Variants in AKR1B15 observed in about 807,000 individuals in gnomAD.
AKR1B15 encodes estradiol 17-beta-dehydrogenase AKR1B15.
AKR1B15 carries 49 observed loss-of-function variants against 38.5 expected under a neutral mutation model. The ratio of observed to expected loss-of-function variants is 1.27; its 90% CI spans 1.01 to 1.62. AKR1B15 has a LOEUF of 1.62. AKR1B15 is among the 40% of genes most tolerant of loss of function. The pLI, the probability that AKR1B15 is intolerant of heterozygous loss-of-function variation, is 0.00. For synonymous variants in AKR1B15, 137 were observed against 135.5 expected (o/e 1.01, Z -0.08); for missense variants, 411 against 381.6 (o/e 1.08, Z -0.64).
intron 3 of AKR1B15, among the ~76,000 whole-genome samples, chr7:134,566,030 A>G (rs1399247351): frequency 2.0e-5 from 3 of 152,196 alleles, no homozygotes; most frequent in African/African-American, 4.8e-5. Context: ...GTGGTGGCTC[A>G]TGCCTGTAAT....
chr7:134,576,291 G>A, intron 8 of AKR1B15, 58 bp from the exon 9 acceptor site: 1 of 1,551,936 alleles, frequency 6.4e-7, no homozygotes, highest in Non-Finnish European at 8.9e-7. Context: ...TTGGAGTGGT[G>A]TCCTTCTGTA....
At position 134,567,673 on chromosome 7, in the gene AKR1B15, C is replaced by T. The variant is rs577756354; in HGVS notation, c.151-485C>T. Reference sequence around the variant, plus strand: ...TGACCATTATCCAGATCCTTATCACCGTTTGGGGAAATTGTCTGAAAATCC... The same window carrying T: ...TGACCATTATCCAGATCCTTATCACTGTTTGGGGAAATTGTCTGAAAATCC... On this transcript the variant is annotated intron_variant, in intron 3 of 11. Coordinates refer to ENST00000457545, the MANE Select transcript of AKR1B15 (RefSeq NM_001080538.3). Among the ~76,000 whole-genome samples, 11 of 152,168 alleles carry T rather than the reference C, an allele frequency of 7.2e-5. No homozygotes were observed. In the South Asian group the frequency reaches 2.1e-3, roughly 29 times the overall value.
At chr7:134,563,683 T>C (rs1794471006) in intron 2 of AKR1B15, among the ~76,000 whole-genome samples, 1 of 152,156 alleles carries the variant, frequency 6.6e-6, no homozygotes, top group African/African-American at 2.4e-5. Context: ...GGCTAAAGGA[T>C]TGTTAATGCA....
chr7:134,574,422 A>G (rs192463057), intron 6 of AKR1B15, among the ~76,000 whole-genome samples: 25 of 150,564 alleles, frequency 1.7e-4, no homozygotes, highest in Non-Finnish European at 3.5e-4. Context: ...ACCTGAAAGG[A>G]CTCCCCTGAC....
chr7:134,552,918 C>T (rs1328500457), intron 1 of AKR1B15, among the ~76,000 whole-genome samples: 4 of 152,110 alleles, frequency 2.6e-5, no homozygotes. Flanking sequence ...AGCCAGTCAC[C>T]CTAACTGCAC....
chr7:134,569,342 G>T, intron 4 of AKR1B15, 71 bp from the exon 5 acceptor site: 1 of 1,565,292 alleles, frequency 6.4e-7, no homozygotes, highest in South Asian at 1.1e-5. Flanking sequence ...AAATCAAAAA[G>T]CAGGGACAAT....
Position 134,576,952 on chromosome 7 carries a change from T to A in AKR1B15, c.826-11T>A. The stretch of plus-strand genomic sequence containing the variant: ...AGCTGAGTGGAAACATGATGTCCCC[T>A]TTCTGCACAGGTTCTGATCCGTTTC... On this transcript the variant is annotated splice_polypyrimidine_tract_variant and intron_variant, in intron 9 of 11. Coordinates refer to ENST00000457545, the MANE Select transcript of AKR1B15 (RefSeq NM_001080538.3). The A allele has an allele frequency of 6.2e-7, 1 of 1,612,072 alleles. No individual in the cohort carries two copies. The highest frequency in any genetic ancestry group is 8.5e-7 in the Non-Finnish European group (1 of 1,178,220).
Position 134,575,477 on chromosome 7 carries a change from A to G in AKR1B15, c.571A>G (p.Asn191Asp), listed in dbSNP as rs376943062. The G allele has an allele frequency of 5.0e-6, 8 of 1,613,768 alleles. No individual in the cohort carries two copies. Among genetic ancestry groups the G allele is most frequent in the Non-Finnish European group, 5.9e-6 (7 of 1,179,828 alleles). The change falls in exon 7 of 12, where the codon AAC becomes GAC. Residue 191 changes from asparagine to aspartate, a missense_variant. Asn to Asp is a conservative substitution (Grantham distance 23). This residue lies in a region of AKR1B15 where 254 missense variants were observed against 212.4 expected (regional missense o/e 1.20). Transcript: ENST00000457545. ...GAAAGCCCTTGGGGTCTCAAATTTC[A>G]ACCACTTCCAGATCGAGAGGCTCTT... is the stretch of plus-strand genomic sequence containing the variant. ...LVKALGVSNF[N>D]HFQIERLLNK...
intron 2 of AKR1B15, among the ~76,000 whole-genome samples, chr7:134,557,846 G>C (rs563093133): frequency 1.5e-4 from 23 of 152,172 alleles, no homozygotes; most frequent in Admixed American, 1.3e-3. Context: ...AAGGATCACT[G>C]AATTAGTCTC....
intron 2 of AKR1B15, among the ~76,000 whole-genome samples, chr7:134,561,931 A>G (rs1436146125): frequency 6.6e-6 from 1 of 152,212 alleles, no homozygotes; most frequent in Admixed American, 6.5e-5. Flanking sequence ...TCCATTTCAC[A>G]GGGAAACCAT....
intron 2 of AKR1B15, among the ~76,000 whole-genome samples, chr7:134,564,230 TCAGA>T (rs1428805653): frequency 3.9e-5 from 6 of 152,218 alleles, no homozygotes; most frequent in Non-Finnish European, 5.9e-5. Context: ...AAAGGATTTC[TCAGA>T]CAGTTTGCAA....
At position 134,568,684 on chromosome 7, in the gene AKR1B15, C is replaced by T. The variant is rs546215500; in HGVS notation, c.318+359C>T. ...CAGCACTGTGGTCTCAGCGACTGTG[C>T]CCCTGAGGTTCTCAGCCAGGGGGTA... is the stretch of plus-strand genomic sequence containing the variant. On this transcript the variant is annotated intron_variant, in intron 4 of 11. Coordinates refer to ENST00000457545, the MANE Select transcript of AKR1B15 (RefSeq NM_001080538.3). 2.0e-5 allele frequency among the ~76,000 whole-genome samples: 3 copies of T among 152,218 alleles called. No homozygotes were observed. The South Asian group carries it at 6.2e-4, about 32-fold the overall frequency.
At chr7:134,570,781 C>T (rs1032173530) in intron 5 of AKR1B15, among the ~76,000 whole-genome samples, 2 of 152,066 alleles carry the variant, frequency 1.3e-5, no homozygotes, top group African/African-American at 4.8e-5. Flanking sequence ...AAGATGCTGG[C>T]TGGAAGGGAG....
In AKR1B15 at chr7:134,571,549, C is replaced by G. The variant is rs531974578; in HGVS notation, c.436-55C>G. 82 of 1,404,344 alleles carry G rather than the reference C, an allele frequency of 5.8e-5. No homozygotes were observed. The East Asian group carries it at 1.9e-3, about 32-fold the overall frequency. The allele number at this position is 1,404,344 out of a possible 1,614,324, so 87.0% of individuals were successfully genotyped here. A position where few individuals can be genotyped will look rare whatever the true frequency, so the allele number is the denominator to read the frequency against. ...ATCAGGATCCTGAAACCTTGTTGAA[C>G]AGAACCAAGTGTCCTGATGCAGATT... On this transcript the variant is annotated intron_variant, in intron 5 of 11. Coordinates refer to ENST00000457545, the MANE Select transcript of AKR1B15 (RefSeq NM_001080538.3).
chr7:134,568,051 G>C, intron 3 of AKR1B15, 107 bp from the exon 4 acceptor site: 2 of 1,371,792 alleles, frequency 1.5e-6, no homozygotes, highest in South Asian at 2.5e-5. Flanking sequence ...CAGGAGTTGG[G>C]AGGATTGTTT....
At chr7:134,577,496 C>A (rs1465262399) in intron 10 of AKR1B15, among the ~76,000 whole-genome samples, 2 of 152,176 alleles carry the variant, frequency 1.3e-5, no homozygotes, top group African/African-American at 2.4e-5. Context: ...TCTCCCTCCC[C>A]CCAGAACACT....
At chr7:134,573,410 G>T (rs1794703961) in intron 6 of AKR1B15, 1 of 985,284 alleles carries the variant, frequency 1.0e-6, no homozygotes, top group Non-Finnish European at 1.2e-6. Flanking sequence ...AATGTACCCT[G>T]CTTCTCACAG....
chr7:134,577,129 C>G, intron 10 of AKR1B15, 83 bp downstream of exon 10: 1 of 1,376,712 alleles, frequency 7.3e-7, no homozygotes, highest in South Asian at 1.2e-5. Flanking sequence ...CTCACCTCAT[C>G]CCTGCACTGT....
intron 1 of AKR1B15, among the ~76,000 whole-genome samples, chr7:134,549,741 TTGTC>T (rs767743743): frequency 2.6e-5 from 4 of 152,178 alleles, no homozygotes; most frequent in Non-Finnish European, 5.9e-5. Context: ...CCCCCTCCCC[TTGTC>T]TGTCTATAAA....
Sources: gnomAD v4.1 joint callset for allele counts (sites outside exome capture counted in the v4.1 genomes callset) on GRCh38, gnomAD v4.1.1 for gene constraint, gnomAD v4.1.1 regional missense constraint, MANE v1.5 for transcripts, NCBI Gene and HGNC (gene_info 2026-07-23, HGNC 2026-07-21) for gene names.